NR3C2: variants seen among roughly 807,000 people sequenced by gnomAD.
The protein encoded by NR3C2 is nuclear receptor subfamily 3 group C member 2.
A neutral mutation model predicts 86.4 loss-of-function variants in NR3C2; 15 were observed. The observed-to-expected ratio is 0.17, with a 90% CI of 0.12 to 0.27. NR3C2 has a LOEUF of 0.27. Among genes scored for constraint, NR3C2 ranks in the 10% least tolerant of loss-of-function variants. The pLI, the probability that NR3C2 is intolerant of heterozygous loss-of-function variation, is 1.00. For missense variants in NR3C2, 960 were observed against 1,195.6 expected, an observed-to-expected ratio of 0.80 and a Z score of 2.91; for synonymous variants, 458 against 450.5, an observed-to-expected ratio of 1.02 and a Z score of -0.21.
rs563017225 is a variant in NR3C2 at position 148,141,793 on chromosome 4, G to T, written c.2510+10676C>A. Among the ~76,000 whole-genome samples, 4 of 152,256 alleles carry T rather than the reference G, an allele frequency of 2.6e-5. No homozygotes were observed. In the East Asian group the frequency reaches 5.8e-4, roughly 22 times the overall value. On this transcript the variant is annotated intron_variant, in intron 6 of 8. Transcript: ENST00000358102. ...CCCTAGCTGAACTGTGCACATGAGG[G>T]ATCTAGGCTGCATGCTCCTTATGAG...
chr4:148,388,181 T>C (rs1269259327), intron 2 of NR3C2, among the ~76,000 whole-genome samples: 4 of 152,346 alleles, frequency 2.6e-5, no homozygotes, highest in Non-Finnish European at 4.4e-5. Flanking sequence ...CCCTGAATAT[T>C]AGACAAGTCA....
chr4:148,240,492 A>G (rs1203003784), intron 3 of NR3C2, among the ~76,000 whole-genome samples: 2 of 152,058 alleles, frequency 1.3e-5, no homozygotes, highest in Non-Finnish European at 2.9e-5. Flanking sequence ...TTCTTGTAGC[A>G]AAAGCAGCCA....
chr4:148,210,879 T>G (rs1451001115), intron 3 of NR3C2, among the ~76,000 whole-genome samples: 1 of 152,256 alleles, frequency 6.6e-6, no homozygotes, highest in African/African-American at 2.4e-5. Flanking sequence ...CTTTCTAAGT[T>G]TCTTCCCTCA....
rs1260933260 is a variant in NR3C2, at chr4:148,273,021, T to C, written c.1758-12904A>G. 4.6e-5 allele frequency among the ~76,000 whole-genome samples: 7 copies of C among 152,324 alleles called. No homozygotes were observed. In the East Asian group the frequency reaches 1.2e-3, roughly 25 times the overall value. On this transcript the variant is annotated intron_variant, in intron 2 of 8. Transcript: ENST00000358102. ...TCTTGCTTCAAATGTCTTCGTGCCA[T>C]GTACCGGGGCCAGATGAGAAAAAGA...
At chr4:148,433,177 T>A (rs1749875557) in intron 2 of NR3C2, among the ~76,000 whole-genome samples, 1 of 152,086 alleles carries the variant, frequency 6.6e-6, no homozygotes, top group Non-Finnish European at 1.5e-5. Context: ...GAGTGGAGCA[T>A]GAAAACTACA....
rs1004747826 is a variant in NR3C2, at chr4:148,087,662, T to G, written c.2800-6163A>C. The stretch of plus-strand genomic sequence containing the variant: ...GTACGGCGAAAACTGGCTAGCCATA[T>G]GCAGAAAACTGAAACTGGACCCCTT... On this transcript the variant is annotated intron_variant, in intron 8 of 8. Transcript: ENST00000358102. Among the ~76,000 whole-genome samples the G allele has an allele frequency of 3.9e-5, 6 of 152,296 alleles. No individual in the cohort carries two copies. In the East Asian group the frequency reaches 1.2e-3, roughly 29 times the overall value.
chr4:148,157,790 G>A (rs1005687169), intron 4 of NR3C2, among the ~76,000 whole-genome samples: 9 of 152,218 alleles, frequency 5.9e-5, no homozygotes, highest in Admixed American at 6.5e-5. Context: ...TTAACGTAGA[G>A]TAGGACTATG....
intron 2 of NR3C2, among the ~76,000 whole-genome samples, chr4:148,428,654 A>G (rs1357710404): frequency 6.6e-6 from 1 of 152,162 alleles, no homozygotes; most frequent in Non-Finnish European, 1.5e-5. Flanking sequence ...ATTATTTCAA[A>G]ATCAATTTTT....
intron 2 of NR3C2, among the ~76,000 whole-genome samples, chr4:148,400,560 C>T (rs965351300): frequency 6.6e-6 from 1 of 151,948 alleles, no homozygotes; most frequent in Non-Finnish European, 1.5e-5. Flanking sequence ...GCGGGCGGAT[C>T]ATAAGGTCAG....
chr4:148,214,315 T>C (rs1479087639), intron 3 of NR3C2, among the ~76,000 whole-genome samples: 1 of 152,154 alleles, frequency 6.6e-6, no homozygotes, highest in Non-Finnish European at 1.5e-5. Context: ...TGTTTGTCAG[T>C]CTACATACCA....
Position 148,091,187 on chromosome 4 carries a change from G to A in NR3C2, c.2800-9688C>T, listed in dbSNP as rs1267926465. ...CAGGCCTAAATCCTGAGCCATGACT[G>A]CAGTTGCTGATGTCAGGGAACATCT... On this transcript the variant is annotated intron_variant, in intron 8 of 8. Transcript: ENST00000358102. Among the ~76,000 whole-genome samples, 10 of 152,386 alleles carry A rather than the reference G, an allele frequency of 6.6e-5. No individual in the cohort carries two copies. The East Asian group carries it at 1.7e-3, about 26-fold the overall frequency.
chr4:148,186,986 GTGTATGTATGTATATA>G (rs1207090887), intron 4 of NR3C2, among the ~76,000 whole-genome samples: 2,410 of 101,210 alleles, frequency 0.024, 171 homozygotes, highest in Middle Eastern at 0.029. Flanking sequence ...ATACTGATGT[GTGTATGTATGTATATA>G]TATATATATA....
chr4:148,439,239 C>A, intron 1 of NR3C2, among the ~76,000 whole-genome samples: 1 of 152,096 alleles, frequency 6.6e-6, no homozygotes, highest in East Asian at 1.9e-4. Flanking sequence ...TCTATTTCTA[C>A]CTAAGAATAT....
At chr4:148,443,992 AGCT>A (rs1454161378), upstream of NR3C2, 2 of 984,690 alleles carry the variant, frequency 2.0e-6, no homozygotes, top group Non-Finnish European at 2.4e-6. Context: ...CCCAGCTTGG[AGCT>A]GCCCCCGGCG....
chr4:148,206,620 G>A (rs897119835), intron 3 of NR3C2, among the ~76,000 whole-genome samples: 1 of 152,158 alleles, frequency 6.6e-6, no homozygotes, highest in Non-Finnish European at 1.5e-5. Context: ...ATCTGCATAC[G>A]TTAGAACTTT....
intron 8 of NR3C2, among the ~76,000 whole-genome samples, chr4:148,113,866 A>G (rs545350527): frequency 2.6e-5 from 4 of 152,214 alleles, no homozygotes; most frequent in Non-Finnish European, 5.9e-5. Context: ...TATAAATGGG[A>G]GTGGTTTTCT....
chr4:148,237,572 G>A lies in NR3C2; in HGVS notation c.1897+22406C>T, dbSNP rs576587003. ...TAGTAAAGAGATTATGATGAAATATGGCACAATTTTATGAACTTATTAGTC... is the reference window on the plus strand; with the variant it reads ...TAGTAAAGAGATTATGATGAAATATAGCACAATTTTATGAACTTATTAGTC... On this transcript the variant is annotated intron_variant, in intron 3 of 8. Coordinates refer to ENST00000358102, the MANE Select transcript of NR3C2 (RefSeq NM_000901.5). 2.0e-5 allele frequency among the ~76,000 whole-genome samples: 3 copies of A among 151,818 alleles called. No homozygotes were observed. The South Asian group carries it at 6.2e-4, about 32-fold the overall frequency.
Position 148,422,045 on chromosome 4 carries a change from A to G in NR3C2, c.1757+13059T>C, listed in dbSNP as rs72658663. ...AAATGTAGGAGCTTTAGGTTTTCAC[A>G]ATGAAAGGTTGCTATGCTTATAACT... On this transcript the variant is annotated intron_variant, in intron 2 of 8. Transcript: ENST00000358102. Among the ~76,000 whole-genome samples, 388 of 152,224 alleles carry G rather than the reference A, an allele frequency of 2.5e-3. 3 individuals carry two copies. The highest frequency in any genetic ancestry group is 8.9e-3 in the African/African-American group (369 of 41,542).
At chr4:148,282,561 G>A in intron 2 of NR3C2, among the ~76,000 whole-genome samples, 1 of 152,220 alleles carries the variant, frequency 6.6e-6, no homozygotes. Context: ...TGAACAAGTT[G>A]TGTTAGCAGA....
Sources: gnomAD v4.1 joint callset for allele counts (sites outside exome capture counted in the v4.1 genomes callset) on GRCh38, gnomAD v4.1.1 for gene constraint, MANE v1.5 for transcripts, NCBI Gene and HGNC (gene_info 2026-07-23, HGNC 2026-07-21) for gene names.